Variants in NKAIN4 observed in about 807,000 individuals in gnomAD.
NKAIN4 encodes sodium/potassium-transporting ATPase subunit beta-1-interacting protein 4.
NKAIN4 carries 28 observed loss-of-function variants against 28.8 expected under a neutral mutation model. The observed-to-expected ratio is 0.97, with a 90% CI of 0.72 to 1.33. NKAIN4 has a LOEUF of 1.33. Ranked by LOEUF, NKAIN4 falls within the 40% of genes most tolerant of loss-of-function variation. The pLI is 0.00. For synonymous variants in NKAIN4, 122 were observed against 115.6 expected (o/e 1.06, Z -0.36); for missense variants, 289 against 277.2 (o/e 1.04, Z -0.30).
At chr20:63,253,407 G>A in intron 1 of NKAIN4, 1 of 985,422 alleles carries the variant, frequency 1.0e-6, no homozygotes, top group African/African-American at 1.7e-5. Flanking sequence ...CCTAAGCCGA[G>A]CACAGGACAC....
At chr20:63,248,398 C>G (rs560618569) in intron 3 of NKAIN4, 30 of 191,488 alleles carry the variant, frequency 1.6e-4, no homozygotes, top group African/African-American at 5.3e-4. Context: ...ACCCCCTCCC[C>G]CCACGTTTCC....
rs181552002 is a variant in NKAIN4 at position 63,246,089 on chromosome 20, G to A, written c.471+1489C>T. Among the ~76,000 whole-genome samples, 1,405 of 152,228 alleles carry A rather than the reference G, an allele frequency of 9.2e-3. 17 individuals carry two copies. The highest frequency in any genetic ancestry group is 0.031 in the Middle Eastern group (9 of 294). ...ACTACAGGCGCCCGCCACCACGCCC[G>A]GCTAATTGTTTTGTATTTTTAGTAG... On this transcript the variant is annotated intron_variant, in intron 4 of 6. Transcript: ENST00000370316.
intron 6 of NKAIN4, chr20:63,241,793 T>C (rs2066756660): frequency 1.6e-6 from 1 of 620,980 alleles, no homozygotes; most frequent in Admixed American, 2.2e-5. Context: ...TGTGCCTGGG[T>C]CCCTGGCTCA....
intron 1 of NKAIN4, chr20:63,253,503 G>A: frequency 3.0e-6 from 3 of 985,610 alleles, no homozygotes; most frequent in Non-Finnish European, 3.6e-6. Context: ...TTCAAGAGGA[G>A]GAGGGGGGCG....
rs1376055889 is a variant in NKAIN4 at position 63,241,392 on chromosome 20, G to A, written c.*105C>T. On this transcript the variant is annotated 3_prime_UTR_variant, in exon 7 of 7. Transcript: ENST00000370316. ...GGGCAGGTGCTGCCGGCCGCCTGGG[G>A]GGTGCTGGGTGGGGGCGCGTCCCAA... 9.6e-6 allele frequency: 12 copies of A among 1,250,030 alleles called. No individual in the cohort carries two copies. The highest frequency in any genetic ancestry group is 1.5e-5 in the African/African-American group (1 of 67,136). The allele number at this position is 1,250,030 out of a possible 1,614,324, so 77.4% of individuals were successfully genotyped here.
chr20:63,254,482 C>G, upstream of NKAIN4: 3 of 1,292,034 alleles, frequency 2.3e-6, no homozygotes, highest in Non-Finnish European at 2.9e-6. Context: ...CCCCCGGGTG[C>G]CCCGCGCTCG....
At position 63,245,420 on chromosome 20, in the gene NKAIN4, G is replaced by T. The variant is rs1014152050; in HGVS notation, c.472-1336C>A. On this transcript the variant is annotated intron_variant, in intron 4 of 6. Transcript: ENST00000370316. The surrounding 1 kb of genome is among the most constrained non-coding windows in gnomAD (Gnocchi z 4.7). The stretch of plus-strand genomic sequence containing the variant: ...AGCCGAGCTTGGGGAGCCATTGGAA[G>T]ATGCCCCTTCCAGCCGGTGCCCTCC... Among the ~76,000 whole-genome samples the T allele has an allele frequency of 6.6e-6, 1 of 152,092 alleles. No homozygotes were observed. Among genetic ancestry groups the T allele is most frequent in the Non-Finnish European group, 1.5e-5 (1 of 68,012 alleles).
chr20:63,248,005 TC>T, intron 3 of NKAIN4: 1 of 467,884 alleles, frequency 2.1e-6, no homozygotes, highest in Non-Finnish European at 3.5e-6. Context: ...CACCTCCTCC[TC>T]CAGGAAGGCC....
rs182753241 is a variant in NKAIN4, at chr20:63,243,519, G to A, written c.532+505C>T. ...TCTTCCTGTGAGACCACACCAGGAC[G>A]AGGGGACCCAGCGAGGGCGCCTGAG... On this transcript the variant is annotated intron_variant, in intron 5 of 6. Transcript: ENST00000370316. 1.3e-4 allele frequency among the ~76,000 whole-genome samples: 20 copies of A among 152,272 alleles called. 1 individual carries two copies. Among genetic ancestry groups the A allele is most frequent in the Admixed American group, 9.8e-4 (15 of 15,302 alleles).
At chr20:63,247,846 G>C in intron 3 of NKAIN4, 71 bp from the exon 4 acceptor site, 2 of 1,407,408 alleles carry the variant, frequency 1.4e-6, no homozygotes, top group South Asian at 1.8e-5. Context: ...TGCAGCCTGC[G>C]GGGACGCCAC....
chr20:63,249,335 C>A lies in NKAIN4; in HGVS notation c.193-440G>T, dbSNP rs1004794533. 5 of 229,152 alleles carry A rather than the reference C, an allele frequency of 2.2e-5. No individual in the cohort carries two copies. The Admixed American group carries it at 2.5e-4, about 12-fold the overall frequency. The allele number at this position is 229,152 out of a possible 1,614,324, so 14.2% of individuals were successfully genotyped here. A position where few individuals can be genotyped will look rare whatever the true frequency, so the allele number is the denominator to read the frequency against. Reference sequence around the variant, plus strand: ...ATAAAGTTTTGCGGACACAGCCACACCCATTTGTGCACACACAGCCCAGCT... The same window carrying A: ...ATAAAGTTTTGCGGACACAGCCACAACCATTTGTGCACACACAGCCCAGCT... On this transcript the variant is annotated intron_variant, in intron 2 of 6. Coordinates refer to ENST00000370316, the MANE Select transcript of NKAIN4 (RefSeq NM_152864.4).
intron 4 of NKAIN4, chr20:63,247,297 T>C (rs4809512): frequency 2.2e-6 from 3 of 1,374,230 alleles, no homozygotes; most frequent in Non-Finnish European, 2.8e-6. Flanking sequence ...CCTGATCCGA[T>C]TCCTTCCCAC....
At chr20:63,247,070 G>C (rs773908457) in intron 4 of NKAIN4, 18 of 1,030,764 alleles carry the variant, frequency 1.7e-5, no homozygotes, top group Non-Finnish European at 2.0e-5. Context: ...TCAGACCTGG[G>C]TCACGTGGCG....
chr20:63,247,581 G>C lies in NKAIN4; in HGVS notation c.468C>G (p.Ile156Met), dbSNP rs946673985. ...EALHSCLQILIALLGFVCGCQ... is the reference protein window; with the variant it reads ...EALHSCLQILMALLGFVCGCQ... Reference sequence around the variant, plus strand: ...GGGCCCCCTTCCCCACGCTCACCGCGATCAGGATCTGCAGGCAACTGTGTA... The same window carrying C: ...GGGCCCCCTTCCCCACGCTCACCGCCATCAGGATCTGCAGGCAACTGTGTA... Residue 156 changes from isoleucine (I) to methionine (M), a missense_variant, in exon 4 of 7, where the codon ATC becomes ATG. Ile to Met is a conservative substitution (Grantham distance 10, BLOSUM62 1). Transcript: ENST00000370316. The C allele has an allele frequency of 3.9e-6, 6 of 1,546,106 alleles. No individual in the cohort carries two copies. In the East Asian group the frequency reaches 9.8e-5, roughly 25 times the overall value.
intron 4 of NKAIN4, chr20:63,247,214 A>G (rs906419537): frequency 5.9e-6 from 7 of 1,187,890 alleles, no homozygotes; most frequent in Non-Finnish European, 5.3e-6. Flanking sequence ...CGGGACACGC[A>G]TGGATGGGTT....
chr20:63,246,639 C>T lies in NKAIN4; in HGVS notation c.471+939G>A, dbSNP rs902529897. 80 of 985,306 alleles carry T rather than the reference C, an allele frequency of 8.1e-5. No individual in the cohort carries two copies. In the African/African-American group the frequency reaches 1.3e-3, roughly 15 times the overall value. The allele number at this position is 985,306 out of a possible 1,614,324, so 61.0% of individuals were successfully genotyped here. On this transcript the variant is annotated intron_variant, in intron 4 of 6. Transcript: ENST00000370316. ...AGCCCCAGGTCCACCTGGTGTGTTG[C>T]GTCGACACCACCGTGCGCACCAGGA...
chr20:63,254,537 A>G, upstream of NKAIN4: 6 of 932,486 alleles, frequency 6.4e-6, no homozygotes, highest in Non-Finnish European at 8.4e-6. Context: ...CGCAGCCTGG[A>G]CCCCGCCCCC....
At chr20:63,249,512 A>C (rs1170840968) in intron 2 of NKAIN4, among the ~76,000 whole-genome samples, 2 of 152,178 alleles carry the variant, frequency 1.3e-5, no homozygotes, top group Admixed American at 1.3e-4. Flanking sequence ...CATTTTTCTG[A>C]ACATTTTTTC....
chr20:63,247,736 A>C lies in NKAIN4; in HGVS notation c.313T>G (p.Ser105Ala), dbSNP rs753628332. The C allele has an allele frequency of 2.0e-6, 3 of 1,490,136 alleles. No homozygotes were observed. In the South Asian group the frequency reaches 4.1e-5, roughly 20 times the overall value. 92.3% of individuals were successfully genotyped at this position (1,490,136 alleles called of 1,614,324 possible). The change falls in exon 4 of 7, where the codon TCC (serine) becomes GCC (alanine). Residue 105 changes from serine to alanine, a missense_variant. Transcript: ENST00000370316. ...LLTFSLSRHRSWWRERWPGCL... is the reference protein window; with the variant it reads ...LLTFSLSRHRAWWRERWPGCL... ...CCTGGCCAGCGCTCACGCCACCAGG[A>C]GCGATGCCGGGAGAGGCTGAAGGTC... is the stretch of plus-strand genomic sequence containing the variant.
Sources: allele counts gnomAD v4.1 joint callset (sites outside exome capture counted in the v4.1 genomes callset), GRCh38; gene constraint gnomAD v4.1.1; non-coding constraint Gnocchi (gnomAD v3.1); transcripts MANE v1.5; gene names NCBI Gene and HGNC (gene_info 2026-07-23, HGNC 2026-07-21).